RALGAPB: variants seen among roughly 807,000 people sequenced by gnomAD.
The protein encoded by RALGAPB is Ral GTPase activating protein non-catalytic subunit beta, also known as ral GTPase-activating protein subunit beta.
RALGAPB carries 25 observed loss-of-function variants against 161.1 expected under a neutral mutation model. The observed-to-expected ratio is 0.16, with a 90% CI of 0.11 to 0.22. The LOEUF is 0.22. Among genes scored for constraint, RALGAPB ranks in the 10% least tolerant of loss-of-function variants. The pLI, the probability that RALGAPB is intolerant of heterozygous loss-of-function variation, is 1.00. For missense variants in RALGAPB, 1,391 were observed against 1,815.2 expected, an observed-to-expected ratio of 0.77 and a Z score of 4.25; for synonymous variants, 629 against 626.1, an observed-to-expected ratio of 1.00 and a Z score of -0.07.
intron 16 of RALGAPB, among the ~76,000 whole-genome samples, chr20:38,536,213 A>G (rs759005180): frequency 1.6e-4 from 25 of 152,222 alleles, no homozygotes; most frequent in Non-Finnish European, 3.2e-4. Flanking sequence ...TTTCATATAA[A>G]TGGAATCATA....
At chr20:38,552,182 C>T (rs533972150) in intron 21 of RALGAPB, among the ~76,000 whole-genome samples, 1 of 151,146 alleles carries the variant, frequency 6.6e-6, no homozygotes, top group East Asian at 1.9e-4. Flanking sequence ...CTCTTGTTGC[C>T]CAGACTAGAG....
intron 13 of RALGAPB, among the ~76,000 whole-genome samples, chr20:38,528,452 G>C (rs1341456869): frequency 6.6e-6 from 1 of 151,702 alleles, no homozygotes; most frequent in Non-Finnish European, 1.5e-5. Flanking sequence ...GGTCACTGCA[G>C]CCCAAGCTCC....
chr20:38,551,999 G>T (rs1849135535), intron 21 of RALGAPB, among the ~76,000 whole-genome samples: 1 of 152,150 alleles, frequency 6.6e-6, no homozygotes, highest in Non-Finnish European at 1.5e-5. Context: ...CAGTAGGAGG[G>T]ATAATTCAAA....
rs2086412091 is a variant in RALGAPB at position 38,524,940 on chromosome 20, T to C, written c.1782T>C (p.Pro594=). ...TTTCAGCTCTTGAAACCATTTTGCC[T>C]GACAGGTAAGCTATCATTCTCTGCT... ...YFISALETIL[P]DRELSKFKSY... The change falls in exon 11 of 30, where the codon CCT becomes CCC. Residue 594 remains proline (P), a synonymous_variant. Transcript: ENST00000262879. 6.2e-7 allele frequency: 1 copy of C among 1,606,186 alleles called. No homozygotes were observed. Among genetic ancestry groups the C allele is most frequent in the Non-Finnish European group, 8.5e-7 (1 of 1,172,808 alleles).
At chr20:38,536,890 G>A (rs2086822973) in intron 16 of RALGAPB, among the ~76,000 whole-genome samples, 1 of 152,158 alleles carries the variant, frequency 6.6e-6, no homozygotes, top group South Asian at 2.1e-4. Flanking sequence ...CTCCAGGATG[G>A]ACATCATAAC....
At position 38,569,925 on chromosome 20, in the gene RALGAPB, G is replaced by T; in HGVS notation, c.3992G>T (p.Gly1331Val). The T allele has an allele frequency of 6.2e-7, 1 of 1,613,550 alleles. No homozygotes were observed. Among genetic ancestry groups the T allele is most frequent in the South Asian group, 1.1e-5 (1 of 91,010 alleles). ...PSSRMRKLPQ[G>V]RPVPPLGPET... ...TCCAGAATGAGGAAGCTGCCTCAGGGTCGCCCTGTTCCTCCCCTTGGACCT... is the reference window on the plus strand; with the variant it reads ...TCCAGAATGAGGAAGCTGCCTCAGGTTCGCCCTGTTCCTCCCCTTGGACCT... Residue 1331 changes from glycine (G) to valine (V), a missense_variant, in exon 27 of 30, where the codon GGT (glycine) becomes GTT (valine). Physicochemically the swap from Gly to Val is moderately radical, Grantham distance 109. Coordinates refer to ENST00000262879, the MANE Select transcript of RALGAPB (RefSeq NM_020336.4).
At chr20:38,511,793 AT>A (rs1410656949) in intron 6 of RALGAPB, among the ~76,000 whole-genome samples, 3 of 152,188 alleles carry the variant, frequency 2.0e-5, no homozygotes, top group African/African-American at 7.2e-5. Flanking sequence ...CCGCTTTTCT[AT>A]TCGACAAAAC....
chr20:38,533,474 CAG>C (rs2086716475), intron 15 of RALGAPB, among the ~76,000 whole-genome samples: 1 of 152,142 alleles, frequency 6.6e-6, no homozygotes, highest in Non-Finnish European at 1.5e-5. Flanking sequence ...CAAGTACTAA[CAG>C]TGTATTAAAT....
chr20:38,524,276 A>G (rs1169155820), intron 10 of RALGAPB, among the ~76,000 whole-genome samples: 1 of 152,186 alleles, frequency 6.6e-6, no homozygotes, highest in Non-Finnish European at 1.5e-5. Context: ...CCCCAAAAAT[A>G]ATGGGGAAGG....
At chr20:38,568,583 A>AG (rs1267232634) in intron 26 of RALGAPB, 1 of 152,226 alleles carries the variant, frequency 6.6e-6, no homozygotes, top group East Asian at 1.9e-4. Flanking sequence ...TTAGAAACAA[A>AG]GAAGTAAAAC....
chr20:38,474,451 A>T (rs2084745779), intron 1 of RALGAPB, among the ~76,000 whole-genome samples: 2 of 150,852 alleles, frequency 1.3e-5, no homozygotes, highest in African/African-American at 4.9e-5. Context: ...TAATTTTTGA[A>T]TTTTTTTTGT....
At position 38,570,828 on chromosome 20, in the gene RALGAPB, A is replaced by G; in HGVS notation, c.4123A>G (p.Asn1375Asp). 3.1e-6 allele frequency: 5 copies of G among 1,607,644 alleles called. No homozygotes were observed. Among genetic ancestry groups the G allele is most frequent in the Non-Finnish European group, 4.3e-6 (5 of 1,174,900 alleles). ...CAGTACTGGTGTGGAAACTACTGCA[A>G]ATAGTAGCACTTCACTGAGGTACAC... ...EISTGVETTANSSTSLRSTTL... is the reference protein window; with the variant it reads ...EISTGVETTADSSTSLRSTTL... The change falls in exon 28 of 30, where the codon AAT (asparagine) becomes GAT (aspartate). Residue 1375 changes from asparagine to aspartate, a missense_variant. Physicochemically the swap from Asn to Asp is conservative, Grantham distance 23 (BLOSUM62 1). Around this residue, in one of 3 missense-constraint regions of RALGAPB, gnomAD observed 436 missense variants for 527.0 expected, o/e 0.83. Coordinates refer to ENST00000262879, the MANE Select transcript of RALGAPB (RefSeq NM_020336.4).
At chr20:38,549,246 GAGTC>G (rs939349833) in intron 20 of RALGAPB, among the ~76,000 whole-genome samples, 4 of 151,524 alleles carry the variant, frequency 2.6e-5, no homozygotes, top group African/African-American at 4.8e-5. Context: ...TTTTTATAAA[GAGTC>G]AGGGTCTTGT....
At chr20:38,520,524 C>CTTTTTTTTTTTTTTTTTTTTTTTTT (rs775371608) in intron 9 of RALGAPB, among the ~76,000 whole-genome samples, 1 of 70,322 alleles carries the variant, frequency 1.4e-5, no homozygotes. Flanking sequence ...TGTGTTTTGG[C>CTTTTTTTTTTTTTTTTTTTTTTTTT]TTTTTTTTTT....
intron 5 of RALGAPB, among the ~76,000 whole-genome samples, chr20:38,503,480 A>T (rs752861377): frequency 2.6e-5 from 4 of 152,232 alleles, no homozygotes; most frequent in Non-Finnish European, 5.9e-5. Context: ...GAGAAGTAGC[A>T]AGAGAACTAC....
intron 24 of RALGAPB, among the ~76,000 whole-genome samples, chr20:38,564,727 T>G (rs76129414): frequency 4.7e-4 from 71 of 152,322 alleles, no homozygotes; most frequent in African/African-American, 1.7e-3. Flanking sequence ...CACTGACCAT[T>G]GAGGAAGGTG....
chr20:38,545,661 A>G (rs954055635), intron 18 of RALGAPB, among the ~76,000 whole-genome samples: 3 of 152,204 alleles, frequency 2.0e-5, no homozygotes, highest in South Asian at 4.1e-4. Context: ...CTCTCCTCCT[A>G]AAACGAAGAC....
chr20:38,516,421 T>C lies in RALGAPB; in HGVS notation c.1051+51T>C, dbSNP rs749005920. 2.8e-5 allele frequency: 42 copies of C among 1,520,356 alleles called. No homozygotes were observed. The South Asian group carries it at 5.0e-4, about 18-fold the overall frequency. The allele number at this position is 1,520,356 out of a possible 1,614,324, so 94.2% of individuals were successfully genotyped here. A position where few individuals can be genotyped will look rare whatever the true frequency, so the allele number is the denominator to read the frequency against. On this transcript the variant is annotated intron_variant, in intron 7 of 29. Coordinates refer to ENST00000262879, the MANE Select transcript of RALGAPB (RefSeq NM_020336.4). ...GTATGAAGAGCTTCATTTAGATAAC[T>C]CTAGAGGCTAACCCTAGGAGTTATT...
intron 10 of RALGAPB, among the ~76,000 whole-genome samples, chr20:38,521,952 G>C (rs977418366): frequency 3.9e-5 from 6 of 152,174 alleles, no homozygotes; most frequent in Non-Finnish European, 7.3e-5. Flanking sequence ...GATTTCGAAG[G>C]ACCACAATTA....
Sources: gnomAD v4.1 joint callset for allele counts (sites outside exome capture counted in the v4.1 genomes callset) on GRCh38, gnomAD v4.1.1 for gene constraint, gnomAD v4.1.1 regional missense constraint, MANE v1.5 for transcripts, NCBI Gene and HGNC (gene_info 2026-07-23, HGNC 2026-07-21) for gene names.